The following B4GALT5 variants were observed in gnomAD, a reference collection of about 807,000 sequenced individuals.
B4GALT5 encodes the protein beta-1,4-galactosyltransferase 5.
In B4GALT5, 11 loss-of-function variants were observed where a neutral mutation model predicts 45.0. The ratio of observed to expected loss-of-function variants is 0.24; its 90% CI spans 0.15 to 0.40. The LOEUF is 0.40. B4GALT5 is among the 10% of genes least tolerant of loss of function. B4GALT5 has a pLI of 1.00. For synonymous variants in B4GALT5, 185 were observed against 182.9 expected (o/e 1.01, Z -0.09); for missense variants, 337 against 500.2 (o/e 0.67, Z 3.11).
chr20:49,658,092 G>A (rs746808707), intron 1 of B4GALT5, among the ~76,000 whole-genome samples: 9 of 152,170 alleles, frequency 5.9e-5, no homozygotes, highest in South Asian at 2.1e-4. Context: ...TTTCAAATGC[G>A]GCCTTGCATT....
At chr20:49,680,807 T>G (rs1203364396) in intron 1 of B4GALT5, among the ~76,000 whole-genome samples, 1 of 151,832 alleles carries the variant, frequency 6.6e-6, no homozygotes, top group Non-Finnish European at 1.5e-5. Context: ...TTCCGTAAAG[T>G]GAAAGCAAGT....
intron 1 of B4GALT5, chr20:49,684,487 C>T: frequency 2.0e-6 from 1 of 492,742 alleles, no homozygotes; most frequent in South Asian, 1.5e-5. Flanking sequence ...GGTGTGAACC[C>T]AGGAGGCAGA....
intron 1 of B4GALT5, among the ~76,000 whole-genome samples, chr20:49,695,471 G>A (rs1223130203): frequency 6.6e-6 from 1 of 151,780 alleles, no homozygotes; most frequent in East Asian, 1.9e-4. Flanking sequence ...GAGCGCAATG[G>A]CGCAATCTCG....
chr20:49,697,877 T>C lies in B4GALT5; in HGVS notation c.115+15699A>G, dbSNP rs1015444310. Among the ~76,000 whole-genome samples the C allele has an allele frequency of 4.6e-5, 7 of 152,298 alleles. No homozygotes were observed. The South Asian group carries it at 1.2e-3, about 27-fold the overall frequency. On this transcript the variant is annotated intron_variant, in intron 1 of 8. Transcript: ENST00000371711. The stretch of plus-strand genomic sequence containing the variant: ...TTCCTTAATGTTATATTCAGGACAG[T>C]GAAAAAAATACTGTTTTCTTTTAGC...
rs150793507 is a variant in B4GALT5 at position 49,694,162 on chromosome 20, G to A, written c.115+19414C>T. 1.5e-3 allele frequency among the ~76,000 whole-genome samples: 233 copies of A among 152,244 alleles called. 1 individual carries two copies. Among genetic ancestry groups the A allele is most frequent in the African/African-American group, 5.4e-3 (224 of 41,536 alleles). ...TTTTCACATTTATTTCCAGAAAGAA[G>A]TTAGAAAAAGTATGTTCCTCATACT... is the stretch of plus-strand genomic sequence containing the variant. On this transcript the variant is annotated intron_variant, in intron 1 of 8. Coordinates refer to ENST00000371711, the MANE Select transcript of B4GALT5 (RefSeq NM_004776.4).
intron 4 of B4GALT5, 150 bp from the exon 5 acceptor site, chr20:49,642,734 T>C: frequency 1.6e-6 from 1 of 631,480 alleles, no homozygotes. Context: ...AGATCTATGT[T>C]GGCAAGTTGG....
chr20:49,636,198 T>C lies in B4GALT5; in HGVS notation c.*114A>G, dbSNP rs1191882137. 1.5e-6 allele frequency: 2 copies of C among 1,340,450 alleles called. No individual in the cohort carries two copies. Among genetic ancestry groups the C allele is most frequent in the African/African-American group, 1.5e-5 (1 of 68,110 alleles). 83.0% of individuals were successfully genotyped at this position (1,340,450 alleles called of 1,614,324 possible). A position where few individuals can be genotyped will look rare whatever the true frequency, so the allele number is the denominator to read the frequency against. The stretch of plus-strand genomic sequence containing the variant: ...TCCCCCTGAACTCTGTGATCCTTCA[T>C]GAGACACAGTATTTCTGTTCTCTTG... On this transcript the variant is annotated 3_prime_UTR_variant, in exon 9 of 9. Coordinates refer to ENST00000371711, the MANE Select transcript of B4GALT5 (RefSeq NM_004776.4).
intron 1 of B4GALT5, among the ~76,000 whole-genome samples, chr20:49,680,540 G>A (rs2085759637): frequency 6.6e-6 from 1 of 152,148 alleles, no homozygotes; most frequent in Non-Finnish European, 1.5e-5. Context: ...TTTATCTGAG[G>A]TACCCAGAAT....
chr20:49,683,756 T>C (rs934202926), intron 1 of B4GALT5, among the ~76,000 whole-genome samples: 7 of 152,170 alleles, frequency 4.6e-5, no homozygotes, highest in African/African-American at 1.4e-4. Context: ...TGGCAAATTA[T>C]TCATTCTGTG....
chr20:49,650,002 C>T (rs977817851), intron 2 of B4GALT5, among the ~76,000 whole-genome samples: 9 of 152,030 alleles, frequency 5.9e-5, no homozygotes, highest in African/African-American at 4.8e-5. Flanking sequence ...CAATGACTGA[C>T]CCAAGCCCTA....
At chr20:49,642,401 T>C in intron 5 of B4GALT5, 67 bp downstream of exon 5, 1 of 1,193,282 alleles carries the variant, frequency 8.4e-7, no homozygotes, top group South Asian at 1.4e-5. Context: ...AACAGTGGAT[T>C]AGCTTGCAGC....
intron 8 of B4GALT5, among the ~76,000 whole-genome samples, chr20:49,636,937 A>AC (rs1568713576): frequency 1.5e-5 from 1 of 64,814 alleles, no homozygotes; most frequent in Non-Finnish European, 3.9e-5. Context: ...CACACACACA[A>AC]AGAAAGAAAA....
At chr20:49,667,819 A>G (rs971608319) in intron 1 of B4GALT5, among the ~76,000 whole-genome samples, 4 of 152,192 alleles carry the variant, frequency 2.6e-5, no homozygotes, top group African/African-American at 9.6e-5. Flanking sequence ...CCCAAATTTT[A>G]TAAGTTTGAA....
chr20:49,644,316 G>C (rs2085590066), intron 3 of B4GALT5, among the ~76,000 whole-genome samples: 1 of 151,988 alleles, frequency 6.6e-6, no homozygotes, highest in African/African-American at 2.4e-5. Context: ...GAACTCCTGA[G>C]CTCCAGTGAT....
chr20:49,642,904 C>T (rs1334387540), intron 4 of B4GALT5, among the ~76,000 whole-genome samples: 1 of 152,256 alleles, frequency 6.6e-6, no homozygotes, highest in Non-Finnish European at 1.5e-5. Flanking sequence ...CTTCACAAAA[C>T]AGTATTTCCC....
intron 3 of B4GALT5, among the ~76,000 whole-genome samples, chr20:49,645,676 G>A (rs997675383): frequency 1.3e-5 from 2 of 152,050 alleles, no homozygotes; most frequent in African/African-American, 4.8e-5. Context: ...TTGAACCTGG[G>A]AGGCAGAGGT....
At chr20:49,680,867 A>G (rs1276476687) in intron 1 of B4GALT5, among the ~76,000 whole-genome samples, 1 of 152,168 alleles carries the variant, frequency 6.6e-6, no homozygotes, top group Non-Finnish European at 1.5e-5. Flanking sequence ...TAGGCAGGAC[A>G]ACCTAAAATG....
intron 1 of B4GALT5, among the ~76,000 whole-genome samples, chr20:49,711,121 G>T (rs1600562004): frequency 6.6e-6 from 1 of 151,016 alleles, no homozygotes; most frequent in Non-Finnish European, 1.5e-5. Context: ...ACAGCTAAAT[G>T]TAACTACTCC....
rs755350525 is a variant in B4GALT5 at position 49,656,753 on chromosome 20, A to T, written c.116-51T>A. On this transcript the variant is annotated intron_variant, in intron 1 of 8. Transcript: ENST00000371711. Reference sequence around the variant, plus strand: ...GAGGTGGATTCAGAAGCAATCATTTAAAAAAACATACCACATAGCTATGGA... The same window carrying T: ...GAGGTGGATTCAGAAGCAATCATTTTAAAAAACATACCACATAGCTATGGA... 3.4e-5 allele frequency: 54 copies of T among 1,611,764 alleles called. No homozygotes were observed. The Middle Eastern group carries it at 5.0e-4, about 15-fold the overall frequency.
Sources: gnomAD v4.1 joint callset for allele counts (sites outside exome capture counted in the v4.1 genomes callset) on GRCh38, gnomAD v4.1.1 for gene constraint, MANE v1.5 for transcripts, NCBI Gene and HGNC (gene_info 2026-07-23, HGNC 2026-07-21) for gene names.